Variants in SDK1 observed in about 807,000 individuals in gnomAD.
SDK1 encodes the protein protein sidekick-1.
Under a neutral mutation model 245.5 loss-of-function variants are expected in SDK1, and 157 were observed. The ratio of observed to expected loss-of-function variants is 0.64; its 90% CI spans 0.56 to 0.73. The LOEUF is 0.73. Among genes scored for constraint, SDK1 ranks in the 30% least tolerant of loss-of-function variants. The pLI is 0.00. For missense variants in SDK1, 3,583 were observed against 3,002.3 expected (o/e 1.19, Z -4.52); for synonymous variants, 1,647 against 1,278.5 (o/e 1.29, Z -6.15).
At chr7:4,076,574 A>G (rs1248230635) in intron 20 of SDK1, among the ~76,000 whole-genome samples, 1 of 152,046 alleles carries the variant, frequency 6.6e-6, no homozygotes, top group Admixed American at 6.6e-5. Flanking sequence ...ATACATACAT[A>G]TATACATACA....
intron 35 of SDK1, among the ~76,000 whole-genome samples, chr7:4,204,667 A>G (rs17134574): frequency 0.069 from 10,519 of 152,164 alleles, 424 homozygotes; most frequent in South Asian, 0.13. Flanking sequence ...AAAGACACTC[A>G]GTCAAAAGGC....
chr7:4,249,154 T>G (rs2128240313), intron 44 of SDK1, among the ~76,000 whole-genome samples: 1 of 152,222 alleles, frequency 6.6e-6, no homozygotes, highest in South Asian at 2.1e-4. Context: ...GGGCAGGACA[T>G]GGAACCCACA....
At chr7:3,898,050 C>G (rs1249384583) in intron 5 of SDK1, among the ~76,000 whole-genome samples, 2 of 152,180 alleles carry the variant, frequency 1.3e-5, no homozygotes, top group African/African-American at 4.8e-5. Context: ...ATCAACATGA[C>G]TGAGGTGCTA....
At chr7:3,396,096 CG>C (rs900533695) in intron 1 of SDK1, among the ~76,000 whole-genome samples, 8 of 151,574 alleles carry the variant, frequency 5.3e-5, no homozygotes, top group African/African-American at 1.2e-4. Context: ...TAACACTATA[CG>C]TTTTTTTCTA....
chr7:3,826,123 CTGGTGT>C (rs544528037), intron 5 of SDK1, among the ~76,000 whole-genome samples: 38 of 152,338 alleles, frequency 2.5e-4, no homozygotes, highest in Non-Finnish European at 4.4e-4. Flanking sequence ...GCCTCCTGAG[CTGGTGT>C]TGGACAGAAC....
chr7:3,372,034 A>C (rs770758674), intron 1 of SDK1, among the ~76,000 whole-genome samples: 1 of 152,226 alleles, frequency 6.6e-6, no homozygotes, highest in Non-Finnish European at 1.5e-5. Context: ...AGTAACTGTC[A>C]TCAGCTACGT....
At chr7:3,810,262 T>A (rs1779353180) in intron 4 of SDK1, among the ~76,000 whole-genome samples, 1 of 152,206 alleles carries the variant, frequency 6.6e-6, no homozygotes, top group East Asian at 1.9e-4. Context: ...GATTTTACAC[T>A]CTTGGGAAGT....
intron 31 of SDK1, among the ~76,000 whole-genome samples, chr7:4,160,296 C>A (rs113514682): frequency 6.6e-6 from 1 of 152,220 alleles, no homozygotes; most frequent in African/African-American, 2.4e-5. Flanking sequence ...TTGTCGTAAT[C>A]TCTCTGACAG....
intron 1 of SDK1, among the ~76,000 whole-genome samples, chr7:3,319,099 T>C (rs4298408): frequency 0.6 from 91,803 of 152,022 alleles, 28,646 homozygotes; most frequent in African/African-American, 0.78. Flanking sequence ...ATGACAACTC[T>C]GGCAGTGGGG....
intron 5 of SDK1, among the ~76,000 whole-genome samples, chr7:3,833,707 T>A (rs1291120143): frequency 6.6e-6 from 1 of 152,210 alleles, no homozygotes; most frequent in Non-Finnish European, 1.5e-5. Flanking sequence ...AAATGCCACA[T>A]GCAAAAATGG....
intron 1 of SDK1, among the ~76,000 whole-genome samples, chr7:3,592,698 G>C (rs973403100): frequency 1.3e-5 from 2 of 152,158 alleles, no homozygotes; most frequent in African/African-American, 4.8e-5. Flanking sequence ...GAAGCGTGGG[G>C]ACTCGCGCTG....
chr7:3,745,500 C>G (rs1333207465), intron 4 of SDK1, among the ~76,000 whole-genome samples: 1 of 151,918 alleles, frequency 6.6e-6, no homozygotes, highest in African/African-American at 2.4e-5. Context: ...AGAAACGTTA[C>G]TCAGTTTTCA....
At chr7:4,090,242 A>C (rs1781698791) in intron 22 of SDK1, among the ~76,000 whole-genome samples, 1 of 152,182 alleles carries the variant, frequency 6.6e-6, no homozygotes, top group Non-Finnish European at 1.5e-5. Flanking sequence ...AGATACTTTG[A>C]GATTCTTTAA....
At chr7:3,419,668 T>G (rs1013046738) in intron 1 of SDK1, among the ~76,000 whole-genome samples, 1 of 152,212 alleles carries the variant, frequency 6.6e-6, no homozygotes, top group African/African-American at 2.4e-5. Context: ...AAAATATGTT[T>G]CTAGTTCTGA....
intron 17 of SDK1, among the ~76,000 whole-genome samples, chr7:4,031,648 C>T (rs923620331): frequency 6.6e-6 from 1 of 151,910 alleles, no homozygotes; most frequent in Non-Finnish European, 1.5e-5. Flanking sequence ...TAGCAACTAT[C>T]TACATATAAA....
intron 4 of SDK1, among the ~76,000 whole-genome samples, chr7:3,648,652 C>T (rs887794182): frequency 4.6e-5 from 7 of 152,164 alleles, no homozygotes; most frequent in African/African-American, 1.7e-4. Flanking sequence ...CAACTTAATG[C>T]TCGAATGAAG....
intron 13 of SDK1, among the ~76,000 whole-genome samples, chr7:3,975,182 A>G (rs7805988): frequency 0.36 from 54,438 of 152,086 alleles, 10,107 homozygotes; most frequent in African/African-American, 0.44. Flanking sequence ...GCAGGAAACC[A>G]AAATACCTGC....
intron 1 of SDK1, among the ~76,000 whole-genome samples, chr7:3,598,081 C>A (rs907074228): frequency 6.6e-6 from 1 of 152,136 alleles, no homozygotes; most frequent in African/African-American, 2.4e-5. Flanking sequence ...GTTGCTACAC[C>A]TATTTGCCTA....
At chr7:3,878,237 T>C (rs1364131418) in intron 5 of SDK1, among the ~76,000 whole-genome samples, 1 of 152,204 alleles carries the variant, frequency 6.6e-6, no homozygotes, top group Non-Finnish European at 1.5e-5. Context: ...ATAAAGGCTT[T>C]TGGCCGGGTG....
Sources: gnomAD v4.1 joint callset for allele counts (sites outside exome capture counted in the v4.1 genomes callset) on GRCh38, gnomAD v4.1.1 for gene constraint, MANE v1.5 for transcripts, NCBI Gene and HGNC (gene_info 2026-07-23, HGNC 2026-07-21) for gene names.